KCNK10: variants seen among roughly 807,000 people sequenced by gnomAD.
KCNK10 encodes potassium channel subfamily K member 10.
A neutral mutation model predicts 47.7 loss-of-function variants in KCNK10; 25 were observed. The ratio of observed to expected loss-of-function variants is 0.52; its 90% CI spans 0.38 to 0.73. KCNK10 has a LOEUF of 0.73. Among genes scored for constraint, KCNK10 ranks in the 30% least tolerant of loss-of-function variants. KCNK10 has a pLI of 0.00. For synonymous variants in KCNK10, 303 were observed against 285.6 expected (o/e 1.06, Z -0.61); for missense variants, 563 against 714.5 (o/e 0.79, Z 2.42).
At chr14:88,248,393 C>T (rs75757964) in intron 2 of KCNK10, among the ~76,000 whole-genome samples, 1,989 of 152,212 alleles carry the variant, frequency 0.013, 28 homozygotes, top group East Asian at 0.044. Flanking sequence ...TACCTTAGGG[C>T]TCTTTGTTGC....
chr14:88,259,113 C>G (rs948338648), intron 2 of KCNK10, among the ~76,000 whole-genome samples: 3 of 152,164 alleles, frequency 2.0e-5, no homozygotes, highest in Admixed American at 6.5e-5. Context: ...GATGTGAAAA[C>G]AGACTATTTT....
At chr14:88,193,545 T>C (rs1368601184) in intron 4 of KCNK10, among the ~76,000 whole-genome samples, 3 of 152,240 alleles carry the variant, frequency 2.0e-5, no homozygotes, top group Non-Finnish European at 4.4e-5. Flanking sequence ...CACCAGAATG[T>C]ATGGCCTTTC....
At chr14:88,197,911 A>T (rs573251337) in intron 4 of KCNK10, among the ~76,000 whole-genome samples, 1 of 151,806 alleles carries the variant, frequency 6.6e-6, no homozygotes, top group East Asian at 1.9e-4. Context: ...AAAAAAGAAA[A>T]GAAAAAGTTC....
At position 88,195,328 on chromosome 14, in the gene KCNK10, G is replaced by T. The variant is rs368007213; in HGVS notation, c.682-2918C>A. 2.0e-5 allele frequency among the ~76,000 whole-genome samples: 3 copies of T among 152,256 alleles called. No homozygotes were observed. In the East Asian group the frequency reaches 5.8e-4, roughly 29 times the overall value. On this transcript the variant is annotated intron_variant, in intron 4 of 6. Transcript: ENST00000319231. Reference sequence around the variant, plus strand: ...TGGAGATAAGAAATCCCACCTCATCGGATTGTTTGGAAGATTAAACAAGTG... The same window carrying T: ...TGGAGATAAGAAATCCCACCTCATCTGATTGTTTGGAAGATTAAACAAGTG...
At chr14:88,286,682 T>C (rs1887768066) in intron 1 of KCNK10, among the ~76,000 whole-genome samples, 1 of 152,188 alleles carries the variant, frequency 6.6e-6, no homozygotes, top group South Asian at 2.1e-4. Context: ...AAGGCACGTC[T>C]TTCTTGGCAG....
At chr14:88,283,900 G>A (rs1566714266) in intron 1 of KCNK10, among the ~76,000 whole-genome samples, 3 of 151,920 alleles carry the variant, frequency 2.0e-5, no homozygotes, top group Non-Finnish European at 4.4e-5. Context: ...GTGACAGAGC[G>A]AGACTGTCTC....
intron 1 of KCNK10, among the ~76,000 whole-genome samples, chr14:88,278,359 A>G (rs73328101): frequency 0.097 from 14,797 of 152,250 alleles, 1,829 homozygotes; most frequent in African/African-American, 0.29. Context: ...AGCAGTCTCT[A>G]TGTGATGGGT....
intron 4 of KCNK10, among the ~76,000 whole-genome samples, chr14:88,224,308 G>A (rs763324184): frequency 9.1e-4 from 139 of 152,282 alleles, no homozygotes; most frequent in Middle Eastern, 3.4e-3. Flanking sequence ...CGGAAACAAA[G>A]CTAAAGCTAT....
Position 88,215,815 on chromosome 14 carries a change from G to A in KCNK10, c.681+11560C>T, listed in dbSNP as rs558939424. Reference sequence around the variant, plus strand: ...CCTGGAAAATGTTTAAATGATAAACGCTATCCAGGCAGTATTTTAAGTAGT... The same window carrying A: ...CCTGGAAAATGTTTAAATGATAAACACTATCCAGGCAGTATTTTAAGTAGT... On this transcript the variant is annotated intron_variant, in intron 4 of 6. Coordinates refer to ENST00000319231, the MANE Select transcript of KCNK10 (RefSeq NM_138317.3). 1.1e-4 allele frequency among the ~76,000 whole-genome samples: 16 copies of A among 152,266 alleles called. No homozygotes were observed. In the East Asian group the frequency reaches 2.5e-3, roughly 24 times the overall value.
At chr14:88,215,864 T>A (rs1040440809) in intron 4 of KCNK10, among the ~76,000 whole-genome samples, 1 of 152,194 alleles carries the variant, frequency 6.6e-6, no homozygotes, top group South Asian at 2.1e-4. Context: ...ATGTTTGATA[T>A]CTTTACTGTG....
intron 4 of KCNK10, among the ~76,000 whole-genome samples, chr14:88,205,062 C>G (rs1885224491): frequency 6.6e-6 from 1 of 152,256 alleles, no homozygotes; most frequent in Non-Finnish European, 1.5e-5. Flanking sequence ...TTCCCCCAGG[C>G]TCTTGGCAAT....
At chr14:88,249,776 GTAAGCACCA>G (rs751476109) in intron 2 of KCNK10, among the ~76,000 whole-genome samples, 41 of 152,288 alleles carry the variant, frequency 2.7e-4, no homozygotes, top group Admixed American at 6.5e-4. Flanking sequence ...CCTGTCCACA[GTAAGCACCA>G]TGCCAGAATT....
At chr14:88,303,015 T>C (rs772560397) in intron 1 of KCNK10, among the ~76,000 whole-genome samples, 1 of 152,072 alleles carries the variant, frequency 6.6e-6, no homozygotes, top group East Asian at 1.9e-4. Context: ...TTGCCAGGGA[T>C]GAGTTTAGGG....
intron 3 of KCNK10, among the ~76,000 whole-genome samples, chr14:88,237,460 A>G (rs917635490): frequency 6.6e-6 from 1 of 152,198 alleles, no homozygotes; most frequent in African/African-American, 2.4e-5. Context: ...CCTTTCCAGA[A>G]GATGTTCAAA....
chr14:88,257,744 C>G (rs1886996994), intron 2 of KCNK10, among the ~76,000 whole-genome samples: 1 of 152,188 alleles, frequency 6.6e-6, no homozygotes. Flanking sequence ...GATAAATAAC[C>G]ACAAAATATT....
At chr14:88,294,589 T>G (rs1272591288) in intron 1 of KCNK10, among the ~76,000 whole-genome samples, 4 of 152,196 alleles carry the variant, frequency 2.6e-5, no homozygotes, top group Non-Finnish European at 4.4e-5. Context: ...ATACATGGGT[T>G]GATCCAATGA....
At chr14:88,236,143 T>C (rs993212509) in intron 3 of KCNK10, among the ~76,000 whole-genome samples, 2 of 152,084 alleles carry the variant, frequency 1.3e-5, no homozygotes, top group African/African-American at 2.4e-5. Context: ...CAGCAAGACC[T>C]GGCTTCTACA....
At chr14:88,267,965 C>T (rs576539368) in intron 1 of KCNK10, among the ~76,000 whole-genome samples, 3 of 152,284 alleles carry the variant, frequency 2.0e-5, no homozygotes, top group South Asian at 2.1e-4. Context: ...GGAATTATCA[C>T]ACTGCATGAG....
intron 1 of KCNK10, among the ~76,000 whole-genome samples, chr14:88,281,592 C>T (rs942297970): frequency 6.6e-6 from 1 of 151,976 alleles, no homozygotes; most frequent in Admixed American, 6.6e-5. Flanking sequence ...GGTTCTCAGG[C>T]CTTCAGACTT....
Sources: allele counts gnomAD v4.1 joint callset (sites outside exome capture counted in the v4.1 genomes callset), GRCh38; gene constraint gnomAD v4.1.1; transcripts MANE v1.5; gene names NCBI Gene and HGNC (gene_info 2026-07-23, HGNC 2026-07-21).